PVT1: variants seen among roughly 807,000 people sequenced by gnomAD.
PVT1 encodes CXCR4/PVT1 fusion.
intron 2 of PVT1, among the ~76,000 whole-genome samples, chr8:127,816,081 G>A (rs976503164): frequency 6.6e-6 from 1 of 152,084 alleles, no homozygotes; most frequent in Non-Finnish European, 1.5e-5. Context: ...CTGAGATCAC[G>A]CCACTGCACT....
intron 2 of PVT1, among the ~76,000 whole-genome samples, chr8:127,810,276 A>G (rs1814578493): frequency 6.6e-6 from 1 of 152,232 alleles, no homozygotes; most frequent in South Asian, 2.1e-4. Flanking sequence ...CATTAGGAAG[A>G]CATTCTCTGC....
At chr8:128,085,281 C>T (rs1217670829) in intron 5 of PVT1, among the ~76,000 whole-genome samples, 5 of 152,094 alleles carry the variant, frequency 3.3e-5, no homozygotes, top group South Asian at 2.1e-4. Flanking sequence ...GTCCGCGGCC[C>T]GGCTGACATC....
intron 2 of PVT1, among the ~76,000 whole-genome samples, chr8:127,814,923 A>C (rs138904191): frequency 1.3e-5 from 2 of 152,182 alleles, no homozygotes; most frequent in African/African-American, 2.4e-5. Flanking sequence ...CATAGTATTC[A>C]TCCTTTTGTG....
At chr8:128,090,931 C>A (rs1814342744) in intron 5 of PVT1, among the ~76,000 whole-genome samples, 1 of 152,088 alleles carries the variant, frequency 6.6e-6, no homozygotes, top group African/African-American at 2.4e-5. Context: ...GTCAGGTTGC[C>A]AGGTTTCGAG....
At chr8:127,983,292 A>G (rs896037558) in intron 3 of PVT1, among the ~76,000 whole-genome samples, 7 of 152,040 alleles carry the variant, frequency 4.6e-5, no homozygotes, top group Non-Finnish European at 7.4e-5. Context: ...TCTTGGACGG[A>G]GGTGGTGGTT....
chr8:127,835,559 T>G (rs1563617600), intron 2 of PVT1, among the ~76,000 whole-genome samples: 1 of 152,066 alleles, frequency 6.6e-6, no homozygotes, highest in African/African-American at 2.4e-5. Flanking sequence ...CACACGCATA[T>G]CTATGTAACA....
At chr8:128,084,403 C>A (rs777678193) in intron 5 of PVT1, among the ~76,000 whole-genome samples, 18 of 152,188 alleles carry the variant, frequency 1.2e-4, no homozygotes, top group Non-Finnish European at 1.9e-4. Flanking sequence ...GCTCTCTGCT[C>A]AGATGTCAAC....
chr8:128,009,543 A>C (rs1464209089), intron 4 of PVT1: 2 of 152,192 alleles, frequency 1.3e-5, no homozygotes, highest in Non-Finnish European at 2.9e-5. Flanking sequence ...ACCTTTAACT[A>C]GAGCTCTGTG....
chr8:128,018,837 A>C (rs1428413990), intron 4 of PVT1, among the ~76,000 whole-genome samples: 3 of 152,168 alleles, frequency 2.0e-5, no homozygotes, highest in African/African-American at 7.2e-5. Context: ...CACCACTTAA[A>C]ATTCCCTGAA....
chr8:127,946,945 A>G (rs1040211805), intron 3 of PVT1: 2 of 152,196 alleles, frequency 1.3e-5, no homozygotes, highest in African/African-American at 4.8e-5. Flanking sequence ...GCTTCCTCCA[A>G]GCAGCAGGCT....
At chr8:127,830,260 G>C (rs1462675644) in intron 2 of PVT1, among the ~76,000 whole-genome samples, 2 of 152,164 alleles carry the variant, frequency 1.3e-5, no homozygotes, top group Non-Finnish European at 2.9e-5. Flanking sequence ...CAGAGGTATG[G>C]ATAGACATTT....
At chr8:127,856,368 T>TG (rs1172454008) in intron 2 of PVT1, among the ~76,000 whole-genome samples, 1 of 151,970 alleles carries the variant, frequency 6.6e-6, no homozygotes, top group Non-Finnish European at 1.5e-5. Flanking sequence ...TCTTTTTTTT[T>TG]TTTGAGACGG....
At chr8:127,969,015 C>T (rs1008319567) in intron 3 of PVT1, among the ~76,000 whole-genome samples, 2 of 152,250 alleles carry the variant, frequency 1.3e-5, no homozygotes, top group African/African-American at 4.8e-5. Flanking sequence ...TGAGAGAAAA[C>T]ATTTCTGTTG....
At chr8:127,955,504 A>G (rs901129769) in intron 3 of PVT1, among the ~76,000 whole-genome samples, 2 of 152,176 alleles carry the variant, frequency 1.3e-5, no homozygotes, top group Non-Finnish European at 1.5e-5. Context: ...AAATAGCTTC[A>G]TGGTAGTTCA....
intron 2 of PVT1, among the ~76,000 whole-genome samples, chr8:127,878,531 C>T (rs1815430464): frequency 6.6e-6 from 1 of 152,068 alleles, no homozygotes; most frequent in African/African-American, 2.4e-5. Flanking sequence ...ACATTGCATC[C>T]CTCCCTCTTT....
chr8:127,879,461 G>A (rs996950870), intron 2 of PVT1, among the ~76,000 whole-genome samples: 5 of 152,198 alleles, frequency 3.3e-5, no homozygotes, highest in African/African-American at 1.2e-4. Context: ...CCCAGGAGGT[G>A]GAGGTTGTAG....
chr8:127,865,513 A>G (rs1340860458), intron 2 of PVT1, among the ~76,000 whole-genome samples: 1 of 152,192 alleles, frequency 6.6e-6, no homozygotes, highest in Non-Finnish European at 1.5e-5. Flanking sequence ...AGAGAGGCAG[A>G]AGAAGGGTTC....
At chr8:127,949,433 G>A (rs1411274741) in intron 3 of PVT1, among the ~76,000 whole-genome samples, 1 of 144,998 alleles carries the variant, frequency 6.9e-6, no homozygotes, top group South Asian at 2.2e-4. Flanking sequence ...GTATCTGTCT[G>A]TCTCCCTCTC....
intron 5 of PVT1, among the ~76,000 whole-genome samples, chr8:128,091,834 C>T (rs572872856): frequency 2.6e-5 from 4 of 152,330 alleles, no homozygotes; most frequent in Admixed American, 2.0e-4. Context: ...CAGGTGTCAG[C>T]TGGCATCATT....
Sources: gnomAD v4.1 joint callset for allele counts (sites outside exome capture counted in the v4.1 genomes callset) on GRCh38, gnomAD v4.1.1 for gene constraint, MANE v1.5 for transcripts, NCBI Gene and HGNC (gene_info 2026-07-23, HGNC 2026-07-21) for gene names.